The following MYO7A variants were observed in gnomAD, a reference collection of about 807,000 sequenced individuals.
The protein encoded by MYO7A is unconventional myosin-VIIa.
MYO7A carries 210 observed loss-of-function variants against 263.8 expected under a neutral mutation model. The ratio of observed to expected loss-of-function variants is 0.80; its 90% CI spans 0.71 to 0.89. The LOEUF (loss-of-function observed/expected upper bound fraction) is 0.89. MYO7A is among the 40% of genes least tolerant of loss of function. MYO7A has a pLI of 0.00. For missense variants in MYO7A, 2,820 were observed against 2,968.3 expected, an observed-to-expected ratio of 0.95 and a Z score of 1.16; for synonymous variants, 1,239 against 1,197.3, an observed-to-expected ratio of 1.03 and a Z score of -0.72.
intron 8 of MYO7A, 151 bp from the exon 9 acceptor site, chr11:77,158,126 G>A: frequency 1.5e-6 from 1 of 664,044 alleles, no homozygotes; most frequent in South Asian, 3.2e-5. Flanking sequence ...TGGAGGAGTT[G>A]TGGTGCTCAC....
intron 28 of MYO7A, among the ~76,000 whole-genome samples, chr11:77,189,717 C>T (rs1037502525): frequency 6.6e-6 from 1 of 152,248 alleles, no homozygotes; most frequent in South Asian, 2.1e-4. Flanking sequence ...AGGCCCTCTG[C>T]ACCCTCGTCT....
chr11:77,182,893 C>T (rs1231982525), intron 25 of MYO7A, among the ~76,000 whole-genome samples, 175 bp from the exon 26 acceptor site: 1 of 152,198 alleles, frequency 6.6e-6, no homozygotes, highest in African/African-American at 2.4e-5. Context: ...TCCTGACTGC[C>T]AGTTGGCTAG....
chr11:77,154,131 G>A (rs564564048), intron 4 of MYO7A, among the ~76,000 whole-genome samples: 1 of 152,200 alleles, frequency 6.6e-6, no homozygotes, highest in African/African-American at 2.4e-5. Flanking sequence ...AGAAAGGAAG[G>A]TGGCGTTTAT....
At chr11:77,203,251 CA>C (rs1316452522) in intron 38 of MYO7A, 34 bp downstream of exon 38, 6 of 1,542,108 alleles carry the variant, frequency 3.9e-6, no homozygotes, top group Non-Finnish European at 5.3e-6. Context: ...CCAGGGGAGC[CA>C]GGGACCGGGC....
intron 20 of MYO7A, among the ~76,000 whole-genome samples, chr11:77,179,519 C>A (rs1344107460): frequency 6.6e-6 from 1 of 152,166 alleles, no homozygotes; most frequent in Non-Finnish European, 1.5e-5. Context: ...CTTGGGGGCC[C>A]CAACTCAGGG....
rs1031580500 is a variant in MYO7A, at chr11:77,177,419, G to C, written c.2188-130G>C. 8 of 717,690 alleles carry C rather than the reference G, an allele frequency of 1.1e-5. No homozygotes were observed. In the East Asian group the frequency reaches 1.9e-4, roughly 17 times the overall value. The allele number at this position is 717,690 out of a possible 1,614,324, so 44.5% of individuals were successfully genotyped here. ...GCTGCCCCAGGGGCCAGAGCCAGCT[G>C]GGAGCTCATGGGGCCCAACTGAGTT... On this transcript the variant is annotated intron_variant, in intron 18 of 48. Coordinates refer to ENST00000409709, the MANE Select transcript of MYO7A (RefSeq NM_000260.4).
At chr11:77,129,976 G>C (rs1354772231) in intron 1 of MYO7A, among the ~76,000 whole-genome samples, 1 of 152,112 alleles carries the variant, frequency 6.6e-6, no homozygotes, top group Non-Finnish European at 1.5e-5. Context: ...GGCGGGCCCG[G>C]GCCCGGGCCC....
Position 77,159,512 on chromosome 11 carries a change from T to C in MYO7A, c.1069T>C (p.Ser357Pro), listed in dbSNP as rs797033992. Residue 357 changes from serine (S) to proline (P), a missense_variant, in exon 10 of 49, where the codon TCC becomes CCC. Coordinates refer to ENST00000409709, the MANE Select transcript of MYO7A (RefSeq NM_000260.4). The part of the protein sequence containing the change: ...LFSPSLATAA[S>P]LLEVNPPDLM... ...CTCCCCATCGCTGGCCACAGCTGCATCCCTGCTTGAGGTCAGTGCCTGGCC... is the reference window on the plus strand; with the variant it reads ...CTCCCCATCGCTGGCCACAGCTGCACCCCTGCTTGAGGTCAGTGCCTGGCC... 5 of 1,611,206 alleles carry C rather than the reference T, an allele frequency of 3.1e-6. No individual in the cohort carries two copies. In the African/African-American group the frequency reaches 6.7e-5, roughly 22 times the overall value.
Position 77,211,262 on chromosome 11 carries a change from C to G in MYO7A, c.6162C>G (p.Pro2054=), listed in dbSNP as rs752691169. The change falls in exon 45 of 49, where the codon CCC becomes CCG. Residue 2054 remains proline, a synonymous_variant. Transcript: ENST00000409709. ...TCGAGGAGGACAAGTCCTACTTCCC[C>G]AGCATCCCCAAGCTGCTGCGGGAGC... ...VKFEEDKSYF[P]SIPKLLRELV... 2 of 1,580,930 alleles carry G rather than the reference C, an allele frequency of 1.3e-6. No homozygotes were observed. Among genetic ancestry groups the G allele is most frequent in the African/African-American group, 1.3e-5 (1 of 74,342 alleles).
chr11:77,183,306 C>A, intron 26 of MYO7A, 149 bp downstream of exon 26: 11 of 677,502 alleles, frequency 1.6e-5, no homozygotes, highest in Admixed American at 2.2e-5. Context: ...AGGGACAGGA[C>A]AACATGAGTG....
At chr11:77,166,468 A>G (rs1953559685) in intron 15 of MYO7A, among the ~76,000 whole-genome samples, 1 of 152,152 alleles carries the variant, frequency 6.6e-6, no homozygotes, top group Non-Finnish European at 1.5e-5. Flanking sequence ...TCCAGCTGCT[A>G]AAGAGAGCAT....
chr11:77,180,275 C>T, intron 21 of MYO7A, 99 bp from the exon 22 acceptor site: 1 of 512,824 alleles, frequency 1.9e-6, no homozygotes, highest in Non-Finnish European at 3.1e-6. Flanking sequence ...AAGTCATGCC[C>T]AGTTCCAGAA....
Position 77,190,684 on chromosome 11 carries a change from G to C in MYO7A, c.3751-13G>C. The C allele has an allele frequency of 6.3e-7, 1 of 1,578,536 alleles. No homozygotes were observed. Among genetic ancestry groups the C allele is most frequent in the South Asian group, 1.2e-5 (1 of 85,862 alleles). ...GGGAAGGGACCCCACAAACCCTCTT[G>C]GGGCACTTCCAGGCCACCAAGTCCA... On this transcript the variant is annotated splice_polypyrimidine_tract_variant and intron_variant, in intron 29 of 48. Transcript: ENST00000409709.
chr11:77,192,462 G>A (rs920966679), intron 31 of MYO7A, among the ~76,000 whole-genome samples, 184 bp downstream of exon 31: 2 of 152,182 alleles, frequency 1.3e-5, no homozygotes, highest in East Asian at 1.9e-4. Context: ...GAGGAGAGGC[G>A]AGATGGCGGG....
At chr11:77,149,513 G>A (rs61899972) in intron 4 of MYO7A, among the ~76,000 whole-genome samples, 2 of 152,124 alleles carry the variant, frequency 1.3e-5, no homozygotes, top group East Asian at 1.9e-4. Context: ...GGGTGCTAGG[G>A]CCCAGGGCTG....
intron 5 of MYO7A, 127 bp from the exon 6 acceptor site, chr11:77,156,533 G>A: frequency 7.2e-7 from 1 of 1,383,612 alleles, no homozygotes; most frequent in Non-Finnish European, 1.0e-6. Context: ...CCCAGCCCTG[G>A]AGGGTCCGTA....
In MYO7A at chr11:77,190,051, C is replaced by G. The variant is rs780594308; in HGVS notation, c.3662C>G (p.Pro1221Arg). ...YLRNFIHGGP[P>R]GYAPYCEERL... ...CGGAACTTCATCCACGGGGGCCCGC[C>G]CGGCTACGCCCCGTACTGTGAGGAG... Residue 1221 changes from proline to arginine, a missense_variant, in exon 29 of 49, where the codon CCC (proline) becomes CGC (arginine). Pro to Arg is a moderately radical substitution (Grantham distance 103). Coordinates refer to ENST00000409709, the MANE Select transcript of MYO7A (RefSeq NM_000260.4). 3.8e-5 allele frequency: 59 copies of G among 1,567,282 alleles called. 1 individual carries two copies. The highest frequency in any genetic ancestry group is 1.9e-5 in the Admixed American group (1 of 53,204).
intron 13 of MYO7A, among the ~76,000 whole-genome samples, chr11:77,162,575 G>A (rs1370394704): frequency 6.6e-6 from 1 of 152,182 alleles, no homozygotes; most frequent in Non-Finnish European, 1.5e-5. Context: ...AGGACACAGT[G>A]TATATCTCAG....
rs782693893 is a variant in MYO7A, at chr11:77,179,739, G to A, written c.2372G>A (p.Arg791His). The A allele has an allele frequency of 3.5e-5, 54 of 1,541,434 alleles. No homozygotes were observed. Among genetic ancestry groups the A allele is most frequent in the African/African-American group, 9.6e-5 (7 of 73,050 alleles). Reference protein sequence around the residue: ...HNCRKNYGLMRLGFLRLQALH... With the variant: ...HNCRKNYGLMHLGFLRLQALH... ...ATGGGGTGGCTGTCCTTGCAGATGC[G>A]TCTGGGCTTCCTGCGGCTGCAGGCC... The change falls in exon 21 of 49, where the codon CGT becomes CAT. Residue 791 changes from arginine to histidine, a missense_variant. Arg to His is a conservative substitution (Grantham distance 29). Coordinates refer to ENST00000409709, the MANE Select transcript of MYO7A (RefSeq NM_000260.4).
Sources: gnomAD v4.1 joint callset for allele counts (sites outside exome capture counted in the v4.1 genomes callset) on GRCh38, gnomAD v4.1.1 for gene constraint, MANE v1.5 for transcripts, NCBI Gene and HGNC (gene_info 2026-07-23, HGNC 2026-07-21) for gene names.